VCAN: variants seen among roughly 807,000 people sequenced by gnomAD.
The protein encoded by VCAN is versican core protein.
VCAN carries 44 observed loss-of-function variants against 245.5 expected under a neutral mutation model. The ratio of observed to expected loss-of-function variants is 0.18; its 90% confidence interval spans 0.14 to 0.23. The LOEUF (loss-of-function observed/expected upper bound fraction) is 0.23, where lower values mean the gene tolerates loss of function less well. Among genes scored for constraint, VCAN ranks in the 10% least tolerant of loss-of-function variants. The pLI is 1.00. For synonymous variants in VCAN, 1,413 were observed against 1,437.0 expected (o/e 0.98, Z 0.38); for missense variants, 3,793 against 4,057.9 (o/e 0.93, Z 1.77).
Position 83,539,147 on chromosome 5 carries a change from G to A in VCAN, c.6144G>A (p.Val2048=). The change falls in exon 8 of 15, where the codon GTG becomes GTA. Residue 2048 remains valine (V), a synonymous_variant. Transcript: ENST00000265077. The part of the protein sequence containing the change: ...SSIIDEGLGE[V]GTVNEIDRRS... ...TTATCGACGAAGGATTGGGAGAAGT[G>A]GGTACTGTCAATGAAATTGATAGAA... 1.2e-6 allele frequency: 2 copies of A among 1,613,966 alleles called. No homozygotes were observed. Among genetic ancestry groups the A allele is most frequent in the Non-Finnish European group, 1.7e-6 (2 of 1,179,990 alleles).
At chr5:83,491,862 C>T (rs942654060) in intron 3 of VCAN, among the ~76,000 whole-genome samples, 3 of 152,180 alleles carry the variant, frequency 2.0e-5, no homozygotes, top group Non-Finnish European at 4.4e-5. Context: ...ACCAAGAAGA[C>T]TATTTGAAGC....
chr5:83,540,310 T>A lies in VCAN; in HGVS notation c.7307T>A (p.Val2436Glu). Reference protein sequence around the residue: ...YEPSGEGSGEVDIVDSFHTSA... With the variant: ...YEPSGEGSGEEDIVDSFHTSA... ...CCTTCTGGAGAAGGATCTGGAGAAGTGGATATTGTTGATTCATTTCACACT... is the reference window on the plus strand; with the variant it reads ...CCTTCTGGAGAAGGATCTGGAGAAGAGGATATTGTTGATTCATTTCACACT... Residue 2436 changes from valine (V) to glutamate (E), a missense_variant, in exon 8 of 15, where the codon GTG becomes GAG. Val to Glu is a moderately radical substitution (Grantham distance 121, BLOSUM62 -2). Around this residue, in one of 5 missense-constraint regions of VCAN, gnomAD observed 3,182 missense variants for 3,250.3 expected, o/e 0.98. Coordinates refer to ENST00000265077, the MANE Select transcript of VCAN (RefSeq NM_004385.5). 1 of 1,614,090 alleles carries A rather than the reference T, an allele frequency of 6.2e-7. No homozygotes were observed. The highest frequency in any genetic ancestry group is 8.5e-7 in the Non-Finnish European group (1 of 1,179,984).
intron 2 of VCAN, among the ~76,000 whole-genome samples, chr5:83,485,461 G>T (rs1029131215): frequency 6.6e-6 from 1 of 152,032 alleles, no homozygotes; most frequent in African/African-American, 2.4e-5. Context: ...AGTATTGAAG[G>T]GTTTCAGCAA....
chr5:83,497,824 G>C (rs865854482), intron 5 of VCAN, among the ~76,000 whole-genome samples: 6 of 152,092 alleles, frequency 3.9e-5, no homozygotes, highest in Admixed American at 1.3e-4. Context: ...CTATTTATTT[G>C]GTTTCCTGAT....
intron 2 of VCAN, among the ~76,000 whole-genome samples, chr5:83,485,455 T>C (rs189347430): frequency 1.3e-5 from 2 of 151,594 alleles, no homozygotes; most frequent in African/African-American, 4.8e-5. Flanking sequence ...GTAGGAAGTA[T>C]TGAAGGGTTT....
chr5:83,537,471 T>C lies in VCAN; in HGVS notation c.4468T>C (p.Ser1490Pro). The C allele has an allele frequency of 6.2e-7, 1 of 1,613,890 alleles. No homozygotes were observed. The highest frequency in any genetic ancestry group is 1.1e-5 in the South Asian group (1 of 91,082). ...GAAGCCTGAGACTTACCCTGAAACA[T>C]CAGAACATTTTTCAGGTGGTGAGCC... is the stretch of plus-strand genomic sequence containing the variant. ...TWKPETYPET[S>P]EHFSGGEPDV... The change falls in exon 8 of 15, where the codon TCA (serine) becomes CCA (proline). Residue 1490 changes from serine (S) to proline (P), a missense_variant. Transcript: ENST00000265077.
chr5:83,518,147 G>A (rs1745929100), intron 6 of VCAN, among the ~76,000 whole-genome samples: 1 of 152,142 alleles, frequency 6.6e-6, no homozygotes. Flanking sequence ...CCTATAGGAT[G>A]TAGCAAAACA....
rs1253138193 is a variant in VCAN, at chr5:83,537,235, T to G, written c.4232T>G (p.Ile1411Arg). 6.2e-7 allele frequency: 1 copy of G among 1,613,864 alleles called. No homozygotes were observed. Among genetic ancestry groups the G allele is most frequent in the Non-Finnish European group, 8.5e-7 (1 of 1,179,928 alleles). The change falls in exon 8 of 15, where the codon ATA becomes AGA. Residue 1411 changes from isoleucine to arginine, a missense_variant. This residue lies in a region of VCAN where 3,182 missense variants were observed against 3,250.3 expected (regional missense o/e 0.98). Transcript: ENST00000265077. ...ACAACCACCCCATCTGTGCAGTACATAAATGGGAAGCATCTCGTTACCACT... is the reference window on the plus strand; with the variant it reads ...ACAACCACCCCATCTGTGCAGTACAGAAATGGGAAGCATCTCGTTACCACT... ...DVTTTPSVQY[I>R]NGKHLVTTVP...
chr5:83,562,871 CCTT>C (rs956749143), intron 12 of VCAN, among the ~76,000 whole-genome samples: 2 of 152,110 alleles, frequency 1.3e-5, no homozygotes, highest in African/African-American at 2.4e-5. Context: ...TAACTCACAT[CCTT>C]CTGAAAATGC....
In VCAN at chr5:83,539,920, A is replaced by G; in HGVS notation, c.6917A>G (p.Asn2306Ser). The G allele has an allele frequency of 6.2e-7, 1 of 1,614,124 alleles. No homozygotes were observed. The highest frequency in any genetic ancestry group is 8.5e-7 in the Non-Finnish European group (1 of 1,179,990). Reference protein sequence around the residue: ...DKIEDFNRMENVAKEVGPLVS... With the variant: ...DKIEDFNRMESVAKEVGPLVS... ...ATTGAAGACTTTAACAGAATGGAAAATGTGGCAAAAGAAGTTGGACCACTC... is the reference window on the plus strand; with the variant it reads ...ATTGAAGACTTTAACAGAATGGAAAGTGTGGCAAAAGAAGTTGGACCACTC... Residue 2306 changes from asparagine to serine, a missense_variant, in exon 8 of 15, where the codon AAT becomes AGT. Physicochemically the swap from Asn to Ser is conservative, Grantham distance 46. This residue lies in a region of VCAN where 3,182 missense variants were observed against 3,250.3 expected (regional missense o/e 0.98). Transcript: ENST00000265077.
intron 8 of VCAN, 119 bp from the exon 9 acceptor site, chr5:83,545,418 C>T: frequency 2.4e-6 from 2 of 819,128 alleles, no homozygotes; most frequent in Non-Finnish European, 4.4e-6. Flanking sequence ...TATGTAGTAA[C>T]TCTAAATTGC....
chr5:83,510,998 C>T (rs954782077), intron 5 of VCAN, among the ~76,000 whole-genome samples: 4 of 152,106 alleles, frequency 2.6e-5, no homozygotes, highest in Non-Finnish European at 5.9e-5. Flanking sequence ...CCTGTAATCC[C>T]AGCTACTTGG....
chr5:83,499,247 C>T (rs916971683), intron 5 of VCAN, among the ~76,000 whole-genome samples: 5 of 152,016 alleles, frequency 3.3e-5, no homozygotes, highest in Non-Finnish European at 1.5e-5. Flanking sequence ...TTTCTGGTTT[C>T]TTTGTGTTCA....
At chr5:83,485,613 G>A (rs1744767192) in intron 2 of VCAN, among the ~76,000 whole-genome samples, 1 of 152,070 alleles carries the variant, frequency 6.6e-6, no homozygotes, top group South Asian at 2.1e-4. Flanking sequence ...GGGGTGGGGA[G>A]TAGTTTAGAT....
intron 5 of VCAN, among the ~76,000 whole-genome samples, chr5:83,506,700 A>T (rs1166311638): frequency 2.0e-5 from 3 of 152,158 alleles, no homozygotes; most frequent in Non-Finnish European, 4.4e-5. Flanking sequence ...CTGTACTGGT[A>T]CCAATTTACT....
In VCAN at chr5:83,515,350, GATTA is replaced by G. The variant is rs150087120; in HGVS notation, c.1042+2959_1042+2962del. ...CTCATGATAATCTCTCACAGAATGT[GATTA>G]ATTATCTCCAGGAGAGGGAGATGGA... On this transcript the variant is annotated intron_variant, in intron 6 of 14. Transcript: ENST00000265077. Among the ~76,000 whole-genome samples, 8 of 152,330 alleles carry G rather than the reference GATTA, an allele frequency of 5.3e-5. No homozygotes were observed. The East Asian group carries it at 1.3e-3, about 26-fold the overall frequency.
At chr5:83,536,302 C>A (rs1746703739) in intron 7 of VCAN, 1 of 152,096 alleles carries the variant, frequency 6.6e-6, no homozygotes, top group Admixed American at 6.6e-5. Context: ...TGAGCTATTT[C>A]CAATAGAGCC....
At chr5:83,528,832 G>A (rs1345268738) in intron 7 of VCAN, among the ~76,000 whole-genome samples, 3 of 152,052 alleles carry the variant, frequency 2.0e-5, no homozygotes, top group African/African-American at 4.8e-5. Flanking sequence ...TCTGGAGTCA[G>A]TCTCTCCTTT....
chr5:83,566,275 T>G (rs1041175928), intron 12 of VCAN, among the ~76,000 whole-genome samples: 1 of 152,158 alleles, frequency 6.6e-6, no homozygotes, highest in Admixed American at 6.5e-5. Context: ...AAAACTGCTT[T>G]TTTAACCTTT....
Sources: allele counts gnomAD v4.1 joint callset (sites outside exome capture counted in the v4.1 genomes callset), GRCh38; gene constraint gnomAD v4.1.1; regional missense constraint gnomAD v4.1.1; transcripts MANE v1.5; gene names NCBI Gene and HGNC (gene_info 2026-07-23, HGNC 2026-07-21).